Variants in ANKRD36C observed in about 807,000 individuals in gnomAD.
The protein encoded by ANKRD36C is ankyrin repeat domain-containing protein 36C.
Under a neutral mutation model 276.4 loss-of-function variants are expected in ANKRD36C, and 61 were observed. The observed-to-expected ratio is 0.22, with a 90% confidence interval of 0.18 to 0.27. ANKRD36C has a LOEUF of 0.27. Among genes scored for constraint, ANKRD36C ranks in the 10% least tolerant of loss-of-function variants. The probability of loss-of-function intolerance (pLI) is 1.00; values close to 1 mark genes in which losing one functional copy is unlikely to be tolerated. For missense variants in ANKRD36C, 1,447 were observed against 2,032.3 expected (o/e 0.71, Z 5.54); for synonymous variants, 483 against 680.1 (o/e 0.71, Z 4.51).
chr2:95,884,194 C>G, exon 54 of ANKRD36C: 1 of 1,608,932 alleles, frequency 6.2e-7, no homozygotes, highest in African/African-American at 1.3e-5. Context: ...TTTTCTCCAT[C>G]CTTTATTTCT....
chr2:95,883,819 C>T (rs1676139821), intron 54 of ANKRD36C, among the ~76,000 whole-genome samples: 1 of 151,894 alleles, frequency 6.6e-6, no homozygotes, highest in Non-Finnish European at 1.5e-5. Flanking sequence ...TTTAGGAACA[C>T]GATGTAATGT....
chr2:95,951,349 A>G, exon 15 of ANKRD36C: 2 of 1,496,896 alleles, frequency 1.3e-6, no homozygotes, highest in Non-Finnish European at 1.8e-6. Context: ...ATAACTTACC[A>G]TCTTCTATAG....
Position 95,897,427 on chromosome 2 carries a change from G to A in ANKRD36C, c.2755+1718C>T, listed in dbSNP as rs1452758889. 1 of 1,541,004 alleles carries A rather than the reference G, an allele frequency of 6.5e-7. No individual in the cohort carries two copies. The highest frequency in any genetic ancestry group is 1.4e-5 in the African/African-American group (1 of 72,422). On this transcript the variant is annotated intron_variant, in intron 44 of 66. Transcript: ENST00000456556. ...TTACTAGTTCACAATATAAATGACAGTTTCATTACCTTCAAGCCTGGTGGT... is the reference window on the plus strand; with the variant it reads ...TTACTAGTTCACAATATAAATGACAATTTCATTACCTTCAAGCCTGGTGGT...
intron 24 of ANKRD36C, among the ~76,000 whole-genome samples, chr2:95,934,485 T>C (rs1328540601): frequency 6.6e-6 from 1 of 152,066 alleles, no homozygotes; most frequent in Non-Finnish European, 1.5e-5. Flanking sequence ...ACCATTATTC[T>C]CAGCAAACTA....
Position 95,925,442 on chromosome 2 carries a change from C to T in ANKRD36C, c.1969-18G>A. 4 of 1,549,080 alleles carry T rather than the reference C, an allele frequency of 2.6e-6. No individual in the cohort carries two copies. The highest frequency in any genetic ancestry group is 3.5e-6 in the Non-Finnish European group (4 of 1,146,498). On this transcript the variant is annotated intron_variant, in intron 29 of 66. Coordinates refer to ENST00000456556, the Ensembl canonical transcript of ANKRD36C. Reference sequence around the variant, plus strand: ...AATATAACCTGAATGGAAAGAGAAACAAAATAGTCAATACATAATATATAT... The same window carrying T: ...AATATAACCTGAATGGAAAGAGAAATAAAATAGTCAATACATAATATATAT...
At chr2:95,866,243 A>C (rs940936303) in intron 60 of ANKRD36C, among the ~76,000 whole-genome samples, 9 of 152,168 alleles carry the variant, frequency 5.9e-5, no homozygotes, top group African/African-American at 1.7e-4. Context: ...ACATTTTTAC[A>C]TATGACACAA....
At chr2:95,860,205 G>A (rs1335525418) in intron 60 of ANKRD36C, 131 bp from the exon 81 acceptor site, 4 of 715,434 alleles carry the variant, frequency 5.6e-6, no homozygotes, top group South Asian at 1.7e-5. Context: ...CCTACAAAGT[G>A]GAAGATATTA....
chr2:95,967,925 C>A (rs935339408), intron 6 of ANKRD36C, among the ~76,000 whole-genome samples: 12 of 151,776 alleles, frequency 7.9e-5, no homozygotes, highest in Non-Finnish European at 1.2e-4. Context: ...CCCATCTCAA[C>A]AAAAATACAA....
Position 95,986,931 on chromosome 2 carries a change from G to A in ANKRD36C, c.313-7C>T, listed in dbSNP as rs1395237747. 4.3e-6 allele frequency: 7 copies of A among 1,612,882 alleles called. No individual in the cohort carries two copies. The highest frequency in any genetic ancestry group is 4.2e-6 in the Non-Finnish European group (5 of 1,179,660). On this transcript the variant is annotated splice_region_variant and splice_polypyrimidine_tract_variant and intron_variant, in intron 2 of 66. Coordinates refer to ENST00000456556, the Ensembl canonical transcript of ANKRD36C. ...CCTGCCTCAGTTGTACAGCCTGTCA[G>A]TATTAGACCGAGAAACATGCAAATA...
exon 55 of ANKRD36C, chr2:95,882,496 C>A (rs1271281459): frequency 6.5e-7 from 1 of 1,549,822 alleles, no homozygotes; most frequent in Non-Finnish European, 8.7e-7. Flanking sequence ...TCTGAGGAGA[C>A]ACTGAAAAGT....
exon 32 of ANKRD36C, chr2:95,923,551 G>A (rs1677330652): frequency 6.2e-7 from 1 of 1,610,630 alleles, no homozygotes; most frequent in Non-Finnish European, 8.5e-7. Context: ...AGCAGAATCT[G>A]TCTTGTCACT....
exon 17 of ANKRD36C, chr2:95,948,546 A>G: frequency 6.5e-7 from 1 of 1,535,826 alleles, no homozygotes; most frequent in Non-Finnish European, 8.7e-7. Context: ...TTCCAAAGCA[A>G]ACTTATCCTT....
chr2:95,990,060 G>A (rs1243726023), intron 1 of ANKRD36C, among the ~76,000 whole-genome samples: 1 of 151,456 alleles, frequency 6.6e-6, no homozygotes, highest in African/African-American at 2.4e-5. Flanking sequence ...TTGCTAAATC[G>A]ACCTTCAGAA....
intron 65 of ANKRD36C, 33 bp downstream of exon 85, chr2:95,852,093 T>C: frequency 6.3e-7 from 1 of 1,582,860 alleles, no homozygotes; most frequent in Non-Finnish European, 8.7e-7. Flanking sequence ...TTATAAATAC[T>C]CAAGTTATTT....
At chr2:95,892,082 A>G (rs1676382717) in intron 44 of ANKRD36C, among the ~76,000 whole-genome samples, 1 of 151,566 alleles carries the variant, frequency 6.6e-6, no homozygotes, top group Non-Finnish European at 1.5e-5. Flanking sequence ...ACATGGTATG[A>G]TTTGTCATAT....
At chr2:95,858,443 A>G (rs1297870334) in intron 61 of ANKRD36C, among the ~76,000 whole-genome samples, 1 of 152,212 alleles carries the variant, frequency 6.6e-6, no homozygotes, top group Non-Finnish European at 1.5e-5. Flanking sequence ...AACATCCTGC[A>G]TAAGTTTCTA....
intron 58 of ANKRD36C, among the ~76,000 whole-genome samples, chr2:95,878,153 CA>C (rs2104315461): frequency 1.4e-5 from 2 of 145,408 alleles, no homozygotes; most frequent in South Asian, 4.6e-4. Flanking sequence ...CATTACACTC[CA>C]GGCTGGGAGA....
chr2:95,958,108 C>T (rs1573803304), intron 12 of ANKRD36C, among the ~76,000 whole-genome samples: 1 of 152,356 alleles, frequency 6.6e-6, no homozygotes, highest in African/African-American at 2.4e-5. Context: ...CTTCTTTTCC[C>T]TTCTTCCTGC....
At chr2:95,863,412 G>A (rs1675625314) in intron 60 of ANKRD36C, among the ~76,000 whole-genome samples, 1 of 152,020 alleles carries the variant, frequency 6.6e-6, no homozygotes, top group South Asian at 2.1e-4. Flanking sequence ...AAACATTACT[G>A]GAAGAAAATA....
Sources: allele counts gnomAD v4.1 joint callset (sites outside exome capture counted in the v4.1 genomes callset), GRCh38; gene constraint gnomAD v4.1.1; transcripts MANE v1.5; gene names NCBI Gene and HGNC (gene_info 2026-07-23, HGNC 2026-07-21).